TOM1L2: variants seen among roughly 807,000 people sequenced by gnomAD.
The protein encoded by TOM1L2 is target of myb1 like 2 membrane trafficking protein, also known as TOM1-like protein 2.
A neutral mutation model predicts 67.9 loss-of-function variants in TOM1L2; 31 were observed. That is an observed-to-expected ratio of 0.46 (90% confidence interval 0.34 to 0.62). The LOEUF is 0.62. Among genes scored for constraint, TOM1L2 ranks in the 20% least tolerant of loss-of-function variants. The pLI is 0.01. For synonymous variants in TOM1L2, 256 were observed against 254.0 expected, an observed-to-expected ratio of 1.01 and a Z score of -0.07; for missense variants, 606 against 663.5, an observed-to-expected ratio of 0.91 and a Z score of 0.95.
chr17:17,944,335 G>A (rs1036524418), intron 1 of TOM1L2, among the ~76,000 whole-genome samples: 3 of 152,242 alleles, frequency 2.0e-5, no homozygotes, highest in Non-Finnish European at 4.4e-5. Context: ...TTGCTGCGGT[G>A]CCCTTCATGA....
At chr17:17,897,734 G>C (rs1424706760) in intron 3 of TOM1L2, among the ~76,000 whole-genome samples, 1 of 152,074 alleles carries the variant, frequency 6.6e-6, no homozygotes, top group Admixed American at 6.5e-5. Context: ...GCAATCCACA[G>C]CTCAGTACAC....
At chr17:17,860,754 C>A (rs2036512773) in intron 12 of TOM1L2, among the ~76,000 whole-genome samples, 1 of 152,224 alleles carries the variant, frequency 6.6e-6, no homozygotes, top group Non-Finnish European at 1.5e-5. Context: ...AAACAAAAAT[C>A]TCATGAGAAG....
chr17:17,947,364 T>A (rs762920433), intron 1 of TOM1L2, among the ~76,000 whole-genome samples: 6 of 152,226 alleles, frequency 3.9e-5, no homozygotes, highest in Non-Finnish European at 8.8e-5. Context: ...GGCTAAATTG[T>A]GCCATCCTCA....
rs536589561 is a variant in TOM1L2 at position 17,933,259 on chromosome 17, G to GA, written c.53-25729dup. On this transcript the variant is annotated intron_variant, in intron 1 of 14. Coordinates refer to ENST00000379504, the MANE Select transcript of TOM1L2 (RefSeq NM_001082968.2). Reference sequence around the variant, plus strand: ...TCTATAAAGCAGGCAGGAAGAACACGAAAGGGCCAAAGGACTTTGCCATCT... The same window carrying GA: ...TCTATAAAGCAGGCAGGAAGAACACGAAAAGGGCCAAAGGACTTTGCCATCT... Among the ~76,000 whole-genome samples, 169 of 152,272 alleles carry GA rather than the reference G, an allele frequency of 1.1e-3. 1 individual carries two copies. The highest frequency in any genetic ancestry group is 4.0e-3 in the African/African-American group (166 of 41,550).
At position 17,944,394 on chromosome 17, in the gene TOM1L2, T is replaced by G. The variant is rs553737638; in HGVS notation, c.52+27868A>C. Among the ~76,000 whole-genome samples, 4 of 152,380 alleles carry G rather than the reference T, an allele frequency of 2.6e-5. No individual in the cohort carries two copies. In the East Asian group the frequency reaches 7.7e-4, roughly 29 times the overall value. ...AGGCTAATTCAGTGCCTAAAAATGC[T>G]GTAACAGTTTCTTTGAAAGGTTCCA... On this transcript the variant is annotated intron_variant, in intron 1 of 14. Coordinates refer to ENST00000379504, the MANE Select transcript of TOM1L2 (RefSeq NM_001082968.2).
At chr17:17,963,394 A>G (rs1393716967) in intron 1 of TOM1L2, among the ~76,000 whole-genome samples, 1 of 152,224 alleles carries the variant, frequency 6.6e-6, no homozygotes, top group African/African-American at 2.4e-5. Context: ...GAAACAGACC[A>G]TGCTTGATGT....
chr17:17,925,016 C>T (rs1231057085), intron 1 of TOM1L2, among the ~76,000 whole-genome samples: 1 of 152,066 alleles, frequency 6.6e-6, no homozygotes, highest in Non-Finnish European at 1.5e-5. Context: ...TGTGGCACTC[C>T]CTCCTCCACT....
At chr17:17,873,112 C>T (rs2037238002) in intron 7 of TOM1L2, among the ~76,000 whole-genome samples, 1 of 152,228 alleles carries the variant, frequency 6.6e-6, no homozygotes, top group Non-Finnish European at 1.5e-5. Flanking sequence ...CATCTGCCTG[C>T]AATGTCCCTT....
intron 1 of TOM1L2, among the ~76,000 whole-genome samples, chr17:17,939,779 T>C (rs2040654512): frequency 6.6e-6 from 1 of 152,214 alleles, no homozygotes; most frequent in African/African-American, 2.4e-5. Flanking sequence ...ATTATAAATG[T>C]AATGAAAGTA....
intron 1 of TOM1L2, among the ~76,000 whole-genome samples, chr17:17,948,222 TACTG>T (rs2041037410): frequency 1.3e-5 from 2 of 152,214 alleles, no homozygotes; most frequent in African/African-American, 4.8e-5. Context: ...AGACTTGCTG[TACTG>T]GATAATCTTG....
At chr17:17,935,579 C>T (rs924484658) in intron 1 of TOM1L2, among the ~76,000 whole-genome samples, 11 of 152,268 alleles carry the variant, frequency 7.2e-5, no homozygotes, top group Middle Eastern at 3.4e-3. Context: ...CTGGAGAAAG[C>T]AGAGGATGGT....
At chr17:17,909,602 G>C (rs2079108593) in intron 1 of TOM1L2, among the ~76,000 whole-genome samples, 1 of 150,916 alleles carries the variant, frequency 6.6e-6, no homozygotes, top group South Asian at 2.1e-4. Context: ...GGGTGTGGGG[G>C]TGGGGGAATG....
intron 5 of TOM1L2, among the ~76,000 whole-genome samples, chr17:17,883,290 GTAAT>G (rs1290455586): frequency 2.0e-5 from 3 of 152,188 alleles, no homozygotes; most frequent in Non-Finnish European, 4.4e-5. Context: ...AATATAAATA[GTAAT>G]TATGCAATTT....
At chr17:17,866,539 A>C in intron 9 of TOM1L2, 120 bp from the exon 10 acceptor site, 1 of 1,325,906 alleles carries the variant, frequency 7.5e-7, no homozygotes, top group Non-Finnish European at 1.0e-6. Context: ...GCTCTAGTAC[A>C]GAAGCAAGGC....
At position 17,850,592 on chromosome 17, in the gene TOM1L2, G is replaced by T. The variant is rs192330704; in HGVS notation, c.1338+301C>A. ...ATACATCTGAAATGGAAAAGATACT[G>T]GGGGGAAGGCAAGTGTGTGTTTTGG... On this transcript the variant is annotated intron_variant, in intron 13 of 14. Transcript: ENST00000379504. 1.0e-3 allele frequency among the ~76,000 whole-genome samples: 156 copies of T among 152,316 alleles called. 1 individual carries two copies. The highest frequency in any genetic ancestry group is 3.5e-3 in the African/African-American group (146 of 41,570).
chr17:17,957,041 C>A (rs534132276), intron 1 of TOM1L2, among the ~76,000 whole-genome samples: 1 of 152,372 alleles, frequency 6.6e-6, no homozygotes, highest in Non-Finnish European at 1.5e-5. Context: ...TACAGTGGCA[C>A]AATCATAGCT....
chr17:17,947,427 A>G (rs1394432236), intron 1 of TOM1L2, among the ~76,000 whole-genome samples: 1 of 152,224 alleles, frequency 6.6e-6, no homozygotes, highest in Non-Finnish European at 1.5e-5. Flanking sequence ...GACTGATTGA[A>G]TTTGGAGACA....
At chr17:17,911,508 T>C (rs927493024) in intron 1 of TOM1L2, among the ~76,000 whole-genome samples, 4 of 152,120 alleles carry the variant, frequency 2.6e-5, no homozygotes, top group African/African-American at 9.7e-5. Context: ...GTTTTGACGA[T>C]TTAGGTGACA....
chr17:17,928,857 G>A (rs930466907), intron 1 of TOM1L2, among the ~76,000 whole-genome samples: 1 of 152,024 alleles, frequency 6.6e-6, no homozygotes, highest in Non-Finnish European at 1.5e-5. Context: ...GCATTCCTCA[G>A]TATCAGAGAA....
Sources: allele counts gnomAD v4.1 joint callset (sites outside exome capture counted in the v4.1 genomes callset), GRCh38; gene constraint gnomAD v4.1.1; transcripts MANE v1.5; gene names NCBI Gene and HGNC (gene_info 2026-07-23, HGNC 2026-07-21).